DSC2: variants seen among roughly 807,000 people sequenced by gnomAD.
DSC2 encodes desmocollin-2.
A neutral mutation model predicts 87.6 loss-of-function variants in DSC2; 51 were observed. The ratio of observed to expected loss-of-function variants is 0.58; its 90% confidence interval spans 0.46 to 0.74. DSC2 has a LOEUF of 0.74. Among genes scored for constraint, DSC2 ranks in the 30% least tolerant of loss-of-function variants. The pLI is 0.00. For synonymous variants in DSC2, 383 were observed against 393.2 expected (o/e 0.97, Z 0.31); for missense variants, 1,066 against 1,089.5 (o/e 0.98, Z 0.30).
At chr18:31,088,737 C>G (rs1550237) in intron 5 of DSC2, among the ~76,000 whole-genome samples, 34,822 of 152,028 alleles carry the variant, frequency 0.23, 4,295 homozygotes, top group East Asian at 0.33. Context: ...TGTCACACCC[C>G]CTACCTGCTC....
intron 1 of DSC2, among the ~76,000 whole-genome samples, chr18:31,096,335 T>C (rs1987759778): frequency 6.6e-6 from 1 of 152,050 alleles, no homozygotes; most frequent in Admixed American, 6.6e-5. Flanking sequence ...GAACACACAG[T>C]GATAAGAGGA....
rs1986567549 is a variant in DSC2 at position 31,064,509 on chromosome 18, G to A, written c.*3506C>T. The A allele has an allele frequency of 1.3e-5, 2 of 152,304 alleles. No individual in the cohort carries two copies. The highest frequency in any genetic ancestry group is 4.1e-4 in the South Asian group (2 of 4,824). 9.4% of individuals were successfully genotyped at this position (152,304 alleles called of 1,614,324 possible). On this transcript the variant is annotated 3_prime_UTR_variant, in exon 16 of 16. Coordinates refer to ENST00000280904, the MANE Select transcript of DSC2 (RefSeq NM_024422.6). ...AATAGAGGATGCTATGGAAAGAAGAGAGAGGAATCAAGGATTCTCTGTTTC... is the reference window on the plus strand; with the variant it reads ...AATAGAGGATGCTATGGAAAGAAGAAAGAGGAATCAAGGATTCTCTGTTTC...
intron 3 of DSC2, 100 bp from the exon 4 acceptor site, chr18:31,091,247 G>T: frequency 6.7e-7 from 1 of 1,492,482 alleles, no homozygotes; most frequent in Non-Finnish European, 9.2e-7. Context: ...GGATTAGCTG[G>T]GTAGGGGTGA....
In DSC2 at chr18:31,066,242, ACT is replaced by A. The variant is rs1245724429; in HGVS notation, c.*1771_*1772del. On this transcript the variant is annotated 3_prime_UTR_variant, in exon 16 of 16. Coordinates refer to ENST00000280904, the MANE Select transcript of DSC2 (RefSeq NM_024422.6). ...TGCACTGAAAATGTCTCCAAAACAAACTCTACATTTTAAAAAATGTATAACAG... is the reference window on the plus strand; with the variant it reads ...TGCACTGAAAATGTCTCCAAAACAAACTACATTTTAAAAAATGTATAACAG... The A allele has an allele frequency of 6.6e-6, 1 of 152,036 alleles. No homozygotes were observed. The highest frequency in any genetic ancestry group is 1.5e-5 in the Non-Finnish European group (1 of 68,008). The allele number at this position is 152,036 out of a possible 1,614,324, so 9.4% of individuals were successfully genotyped here.
At chr18:31,074,634 C>T in intron 12 of DSC2, 49 bp downstream of exon 12, 1 of 1,528,678 alleles carries the variant, frequency 6.5e-7, no homozygotes. Context: ...AAAAGTATCG[C>T]AGACATCCTG....
chr18:31,083,055 A>G lies in DSC2; in HGVS notation c.948T>C (p.Ile316=), dbSNP rs2144821655. Residue 316 remains isoleucine (I), a synonymous_variant, in exon 8 of 16, where the codon ATT becomes ATC. Coordinates refer to ENST00000280904, the MANE Select transcript of DSC2 (RefSeq NM_024422.6). The part of the protein sequence containing the change: ...TTSSQLDREL[I]DKYQLKIKVQ... The stretch of plus-strand genomic sequence containing the variant: ...CTTTTATTTTCAACTGGTACTTGTC[A>G]ATTAACTGAAAACAAAAAAAGAATT... 3 of 1,611,246 alleles carry G rather than the reference A, an allele frequency of 1.9e-6. No homozygotes were observed. Among genetic ancestry groups the G allele is most frequent in the Non-Finnish European group, 2.5e-6 (3 of 1,178,882 alleles).
At chr18:31,088,734 C>T (rs1022082952) in intron 5 of DSC2, among the ~76,000 whole-genome samples, 48 of 152,260 alleles carry the variant, frequency 3.2e-4, no homozygotes, top group African/African-American at 1.1e-3. Flanking sequence ...CACTGTCACA[C>T]CCCCTACCTG....
chr18:31,073,075 T>G (rs747333311), intron 12 of DSC2, among the ~76,000 whole-genome samples: 1 of 152,162 alleles, frequency 6.6e-6, no homozygotes, highest in Non-Finnish European at 1.5e-5. Context: ...TAAGCTTAAC[T>G]GACTTCAAAG....
intron 1 of DSC2, 107 bp from the exon 2 acceptor site, chr18:31,093,750 G>T (rs1468668875): frequency 8.0e-6 from 3 of 373,598 alleles, no homozygotes; most frequent in Non-Finnish European, 1.2e-5. Context: ...ACATAAAAAG[G>T]CATATAATAC....
Position 31,064,906 on chromosome 18 carries a change from T to C in DSC2, c.*3109A>G, listed in dbSNP as rs779780026. On this transcript the variant is annotated 3_prime_UTR_variant, in exon 16 of 16. Coordinates refer to ENST00000280904, the MANE Select transcript of DSC2 (RefSeq NM_024422.6). ...CAAAGTCAGATTTGGCAAAACAGAA[T>C]TGGGATCCAAGATAAAAACAGTCTT... 18 of 152,048 alleles carry C rather than the reference T, an allele frequency of 1.2e-4. No homozygotes were observed. The highest frequency in any genetic ancestry group is 3.9e-4 in the African/African-American group (16 of 41,386). 9.4% of individuals were successfully genotyped at this position (152,048 alleles called of 1,614,324 possible).
rs1986460437 is a variant in DSC2, at chr18:31,059,504, A to G, written c.*8511T>C. ...TGTTCAGTGAAAACTTTATTTATTA[A>G]AGCTAAGATGAAAAGGCTTTTCTTC... On this transcript the variant is annotated 3_prime_UTR_variant, in exon 16 of 16. Coordinates refer to ENST00000280904, the MANE Select transcript of DSC2 (RefSeq NM_024422.6). 6.6e-6 allele frequency: 1 copy of G among 152,162 alleles called. No individual in the cohort carries two copies. Among genetic ancestry groups the G allele is most frequent in the Non-Finnish European group, 1.5e-5 (1 of 68,028 alleles). 9.4% of individuals were successfully genotyped at this position (152,162 alleles called of 1,614,324 possible).
At chr18:31,100,094 G>C (rs538414983) in intron 1 of DSC2, among the ~76,000 whole-genome samples, 1 of 152,276 alleles carries the variant, frequency 6.6e-6, no homozygotes, top group East Asian at 1.9e-4. Context: ...TCACACTTGA[G>C]ACTCACAACC....
chr18:31,100,815 T>C (rs1206411108), intron 1 of DSC2, among the ~76,000 whole-genome samples: 1 of 152,168 alleles, frequency 6.6e-6, no homozygotes, highest in East Asian at 1.9e-4. Flanking sequence ...AGGAGCACTT[T>C]TCCACACCTG....
chr18:31,082,849 C>T (rs757493226), intron 8 of DSC2, 77 bp downstream of exon 8: 23 of 1,534,170 alleles, frequency 1.5e-5, no homozygotes, highest in Admixed American at 3.5e-5. Flanking sequence ...TGAGCCACTG[C>T]GCCAGGCCAG....
intron 9 of DSC2, among the ~76,000 whole-genome samples, chr18:31,080,789 C>G (rs9304078): frequency 0.5 from 75,746 of 151,994 alleles, 19,191 homozygotes; most frequent in East Asian, 0.56. Flanking sequence ...TGTGGAACTG[C>G]GAGTCAGTTA....
chr18:31,080,381 G>A (rs777861149), intron 9 of DSC2, 29 bp from the exon 10 acceptor site: 1 of 1,611,676 alleles, frequency 6.2e-7, no homozygotes, highest in Non-Finnish European at 8.5e-7. Context: ...TGAAAAATCA[G>A]ATGAACTCAT....
chr18:31,071,578 GA>G lies in DSC2; in HGVS notation c.2125+26del, dbSNP rs1487904163. The G allele has an allele frequency of 3.1e-6, 5 of 1,595,232 alleles. No individual in the cohort carries two copies. In the Admixed American group the frequency reaches 8.3e-5, roughly 27 times the overall value. On this transcript the variant is annotated intron_variant, in intron 13 of 15. Transcript: ENST00000280904. The stretch of plus-strand genomic sequence containing the variant: ...AAAGTTACTTTAAAGGGTATTATTT[GA>G]ATTCAAGAAAGGACTTAAGACTTAC...
rs1463834360 is a variant in DSC2, at chr18:31,061,205, A to G, written c.*6810T>C. Reference sequence around the variant, plus strand: ...AATTATACAAGCGAATATATCAGCAAGTTTGCCTTCATATTTGTTAACTGA... The same window carrying G: ...AATTATACAAGCGAATATATCAGCAGGTTTGCCTTCATATTTGTTAACTGA... On this transcript the variant is annotated 3_prime_UTR_variant, in exon 16 of 16. Transcript: ENST00000280904. 6.6e-6 allele frequency: 1 copy of G among 152,236 alleles called. No individual in the cohort carries two copies. The highest frequency in any genetic ancestry group is 1.5e-5 in the Non-Finnish European group (1 of 68,044). 9.4% of individuals were successfully genotyped at this position (152,236 alleles called of 1,614,324 possible). A position where few individuals can be genotyped will look rare whatever the true frequency, so the allele number is the denominator to read the frequency against.
chr18:31,085,462 A>C (rs1987366183), intron 7 of DSC2, among the ~76,000 whole-genome samples: 1 of 151,206 alleles, frequency 6.6e-6, no homozygotes, highest in Admixed American at 6.6e-5. Context: ...TTAATTTATT[A>C]TTTTTAATAT....
Sources: gnomAD v4.1 joint callset for allele counts (sites outside exome capture counted in the v4.1 genomes callset) on GRCh38, gnomAD v4.1.1 for gene constraint, MANE v1.5 for transcripts, NCBI Gene and HGNC (gene_info 2026-07-23, HGNC 2026-07-21) for gene names.